Variants in DLG2 observed in about 807,000 individuals in gnomAD.
DLG2 encodes discs large MAGUK scaffold protein 2, also known as disks large homolog 2.
In DLG2, 45 loss-of-function variants were observed where a neutral mutation model predicts 132.5. The ratio of observed to expected loss-of-function variants is 0.34; its 90% CI spans 0.27 to 0.44. The LOEUF (loss-of-function observed/expected upper bound fraction) is 0.44, where lower values mean the gene tolerates loss of function less well. Among genes scored for constraint, DLG2 ranks in the 20% least tolerant of loss-of-function variants. The pLI, the probability that DLG2 is intolerant of heterozygous loss-of-function variation, is 1.00. For missense variants in DLG2, 1,045 were observed against 1,196.9 expected, an observed-to-expected ratio of 0.87 and a Z score of 1.87; for synonymous variants, 424 against 419.6, an observed-to-expected ratio of 1.01 and a Z score of -0.13.
At chr11:85,240,722 T>G (rs2152675212) in intron 4 of DLG2, among the ~76,000 whole-genome samples, 1 of 151,950 alleles carries the variant, frequency 6.6e-6, no homozygotes, top group Non-Finnish European at 1.5e-5. Context: ...ACACATAAGT[T>G]TGTTTTTTAA....
At chr11:83,563,919 C>T (rs1009674572) in intron 19 of DLG2, among the ~76,000 whole-genome samples, 10 of 152,156 alleles carry the variant, frequency 6.6e-5, no homozygotes, top group Non-Finnish European at 2.9e-5. Context: ...GTCTTCGTAG[C>T]ATTTGGGTTC....
chr11:84,082,976 T>C (rs1437686110), intron 10 of DLG2, among the ~76,000 whole-genome samples: 2 of 152,284 alleles, frequency 1.3e-5, no homozygotes, highest in South Asian at 4.1e-4. Flanking sequence ...GATTTAGCTA[T>C]CAAGAAAATA....
chr11:84,120,320 A>T (rs1016037628), intron 9 of DLG2, among the ~76,000 whole-genome samples: 3 of 152,218 alleles, frequency 2.0e-5, no homozygotes, highest in Non-Finnish European at 4.4e-5. Context: ...TAGGCATTGA[A>T]TCACTCAAGA....
At chr11:84,691,864 C>G (rs2058084363) in intron 6 of DLG2, among the ~76,000 whole-genome samples, 1 of 151,666 alleles carries the variant, frequency 6.6e-6, no homozygotes, top group African/African-American at 2.4e-5. Flanking sequence ...ATACTTTACT[C>G]TTGCCTTCCT....
In DLG2 at chr11:84,163,078, C is replaced by T. The variant is rs77884546; in HGVS notation, c.624+383G>A. Among the ~76,000 whole-genome samples the T allele has an allele frequency of 8.5e-3, 1,297 of 152,190 alleles. 9 individuals are homozygous for T. The highest frequency in any genetic ancestry group is 0.015 in the Non-Finnish European group (1,002 of 67,994). ...TGTTTTTTAAACTAAGTAAGAAACA[C>T]ATGGTAACTATAATTATGATGATAG... On this transcript the variant is annotated intron_variant, in intron 9 of 27. Transcript: ENST00000376104.
rs58283704 is a variant in DLG2, at chr11:85,357,704, TTATATATATATATATA to T, written c.41-72355_41-72340del. Among the ~76,000 whole-genome samples the T allele has an allele frequency of 1.2e-3, 126 of 106,262 alleles. 2 individuals carry two copies. The highest frequency in any genetic ancestry group is 1.8e-3 in the Admixed American group (15 of 8,266). 69.7% of individuals were successfully genotyped at this position (106,262 alleles called of 152,430 possible). A position where few individuals can be genotyped will look rare whatever the true frequency, so the allele number is the denominator to read the frequency against. On this transcript the variant is annotated intron_variant, in intron 3 of 27. Transcript: ENST00000376104. ...ACAATACGCCAGGCACTGTTCTGAA[TTATATATATATATATA>T]TATATATATATATATATATATATAT...
intron 6 of DLG2, among the ~76,000 whole-genome samples, chr11:84,832,662 T>A (rs1412288104): frequency 6.6e-6 from 1 of 151,656 alleles, no homozygotes; most frequent in Non-Finnish European, 1.5e-5. Context: ...ATCAGTGACA[T>A]ACACTCTGAT....
intron 15 of DLG2, among the ~76,000 whole-genome samples, chr11:83,917,731 C>T (rs745837331): frequency 5.9e-5 from 9 of 152,166 alleles, no homozygotes; most frequent in African/African-American, 9.6e-5. Context: ...AAATCACAGT[C>T]GTAGGTAAAT....
At chr11:84,925,817 C>G (rs142435913) in intron 6 of DLG2, among the ~76,000 whole-genome samples, 2 of 152,006 alleles carry the variant, frequency 1.3e-5, no homozygotes, top group Non-Finnish European at 2.9e-5. Context: ...ATGATGAACC[C>G]TGCCATCAAA....
intron 15 of DLG2, among the ~76,000 whole-genome samples, chr11:83,924,542 G>C (rs1416578587): frequency 1.3e-5 from 2 of 152,086 alleles, no homozygotes; most frequent in African/African-American, 2.4e-5. Context: ...TAAAAATACA[G>C]GCAGGCTTGC....
intron 3 of DLG2, among the ~76,000 whole-genome samples, chr11:85,308,144 ACT>A (rs1195008232): frequency 6.6e-6 from 1 of 150,714 alleles, no homozygotes; most frequent in African/African-American, 2.4e-5. Flanking sequence ...ACAGAGCGAG[ACT>A]CTGTCTCAAA....
intron 3 of DLG2, among the ~76,000 whole-genome samples, chr11:85,382,418 G>A (rs555258817): frequency 3.3e-4 from 50 of 152,052 alleles, no homozygotes; most frequent in African/African-American, 1.2e-3. Flanking sequence ...AAAACCCTTA[G>A]AAAATAATAT....
rs2059254538 is a variant in DLG2, at chr11:84,701,812, G to T, written c.358-167081C>A. 2.0e-5 allele frequency among the ~76,000 whole-genome samples: 3 copies of T among 151,644 alleles called. No individual in the cohort carries two copies. The South Asian group carries it at 6.2e-4, about 31-fold the overall frequency. On this transcript the variant is annotated intron_variant, in intron 6 of 27. Transcript: ENST00000376104. ...GGCTCTACTTAAAGCCCCGAACAGT[G>T]CCTTCATTTGTCTTTGCAGATGTAT...
chr11:85,340,249 T>G (rs1487789759), intron 3 of DLG2, among the ~76,000 whole-genome samples: 1 of 152,158 alleles, frequency 6.6e-6, no homozygotes, highest in African/African-American at 2.4e-5. Context: ...CAAATGCCCA[T>G]CAATGATAGA....
chr11:84,397,252 C>T (rs1266973845), intron 7 of DLG2, among the ~76,000 whole-genome samples: 3 of 152,176 alleles, frequency 2.0e-5, no homozygotes, highest in South Asian at 2.1e-4. Context: ...CTCTGCCTCT[C>T]TTTAAACTTC....
chr11:84,620,412 TAAAG>T (rs1289694732), intron 6 of DLG2, among the ~76,000 whole-genome samples: 1 of 151,834 alleles, frequency 6.6e-6, no homozygotes. Flanking sequence ...GTGTCAACTA[TAAAG>T]AAAGAATAAT....
At chr11:84,711,022 A>C (rs1006270470) in intron 6 of DLG2, among the ~76,000 whole-genome samples, 9 of 93,736 alleles carry the variant, frequency 9.6e-5, no homozygotes, top group African/African-American at 3.8e-4. Context: ...ATATATATAT[A>C]TATATATATA....
chr11:85,621,852 T>C (rs1565775466), intron 2 of DLG2, among the ~76,000 whole-genome samples: 1 of 152,242 alleles, frequency 6.6e-6, no homozygotes. Flanking sequence ...ACTTAGTTGA[T>C]AAAGCAGCAG....
intron 6 of DLG2, among the ~76,000 whole-genome samples, chr11:84,589,556 T>C (rs940235614): frequency 1.3e-5 from 2 of 152,170 alleles, no homozygotes; most frequent in Non-Finnish European, 2.9e-5. Flanking sequence ...CTAGAGAATA[T>C]TGAGGGTTAA....
Sources: allele counts gnomAD v4.1 joint callset (sites outside exome capture counted in the v4.1 genomes callset), GRCh38; gene constraint gnomAD v4.1.1; transcripts MANE v1.5; gene names NCBI Gene and HGNC (gene_info 2026-07-23, HGNC 2026-07-21).